The following GFRAL variants were observed in gnomAD, a reference collection of about 807,000 sequenced individuals.
GFRAL encodes the protein GDNF family receptor alpha-like.
Under a neutral mutation model 45.4 loss-of-function variants are expected in GFRAL, and 36 were observed. The ratio of observed to expected loss-of-function variants is 0.79; its 90% CI spans 0.61 to 1.05. GFRAL has a LOEUF of 1.05. Among genes scored for constraint, GFRAL ranks in the 50% least tolerant of loss-of-function variants. The pLI, the probability that GFRAL is intolerant of heterozygous loss-of-function variation, is 0.00. For synonymous variants in GFRAL, 166 were observed against 154.1 expected (o/e 1.08, Z -0.57); for missense variants, 507 against 467.5 (o/e 1.08, Z -0.78).
intron 6 of GFRAL, among the ~76,000 whole-genome samples, chr6:55,381,749 C>A (rs1338692649): frequency 6.6e-6 from 1 of 151,756 alleles, no homozygotes; most frequent in Non-Finnish European, 1.5e-5. Context: ...CACTGACTGT[C>A]TGAAGAAAGA....
chr6:55,400,922 T>G (rs6900253), intron 8 of GFRAL, among the ~76,000 whole-genome samples: 11,482 of 152,256 alleles, frequency 0.075, 521 homozygotes, highest in South Asian at 0.14. Flanking sequence ...TGGTTCTCAA[T>G]CTTTACTTCT....
chr6:55,368,983 C>T (rs1163270247), intron 6 of GFRAL, among the ~76,000 whole-genome samples: 1 of 152,054 alleles, frequency 6.6e-6, no homozygotes. Context: ...GTTGGAGCTT[C>T]CCGGCTGCTT....
At chr6:55,329,679 A>G (rs1767806420) in intron 1 of GFRAL, among the ~76,000 whole-genome samples, 1 of 152,042 alleles carries the variant, frequency 6.6e-6, no homozygotes, top group African/African-American at 2.4e-5. Context: ...ACATGAGAAA[A>G]CAGAAAGCTG....
At chr6:55,346,036 AAAC>A (rs1768036775) in intron 3 of GFRAL, among the ~76,000 whole-genome samples, 1 of 152,178 alleles carries the variant, frequency 6.6e-6, no homozygotes, top group Non-Finnish European at 1.5e-5. Flanking sequence ...AAAAATCAGG[AAAC>A]AACAGGTGCT....
chr6:55,340,427 TTAAC>T (rs1324010153), intron 3 of GFRAL, among the ~76,000 whole-genome samples: 35 of 152,312 alleles, frequency 2.3e-4, no homozygotes, highest in African/African-American at 7.9e-4. Flanking sequence ...ATATTTTTCA[TTAAC>T]TAAATATTGA....
intron 4 of GFRAL, among the ~76,000 whole-genome samples, chr6:55,350,557 G>A (rs1050242987): frequency 1.3e-5 from 2 of 151,702 alleles, no homozygotes; most frequent in Non-Finnish European, 2.9e-5. Flanking sequence ...AAAACTTAGC[G>A]GGTCATGTAG....
At chr6:55,334,257 T>A (rs558370360) in intron 3 of GFRAL, among the ~76,000 whole-genome samples, 1 of 152,322 alleles carries the variant, frequency 6.6e-6, no homozygotes, top group South Asian at 2.1e-4. Flanking sequence ...ATAGATTCAC[T>A]CATTCAATTC....
chr6:55,400,775 A>G (rs1258744035), intron 8 of GFRAL, among the ~76,000 whole-genome samples: 1 of 152,206 alleles, frequency 6.6e-6, no homozygotes, highest in Non-Finnish European at 1.5e-5. Flanking sequence ...TTTGGAATTT[A>G]TTAAAGTTTA....
At chr6:55,327,661 C>A (rs1365517688) in intron 1 of GFRAL, 85 bp downstream of exon 1, 30 of 1,267,406 alleles carry the variant, frequency 2.4e-5, no homozygotes, top group Non-Finnish European at 3.2e-5. Flanking sequence ...TTAAGCTTAA[C>A]AGGGGCTTAT....
chr6:55,399,523 T>C, intron 8 of GFRAL, 82 bp downstream of exon 8: 2 of 901,204 alleles, frequency 2.2e-6, no homozygotes, highest in Non-Finnish European at 3.7e-6. Flanking sequence ...TGGCTGAGCT[T>C]ACAAAGAGCC....
chr6:55,397,610 T>A (rs1412735289), intron 6 of GFRAL, among the ~76,000 whole-genome samples: 1 of 149,876 alleles, frequency 6.7e-6, no homozygotes, highest in Non-Finnish European at 1.5e-5. Context: ...GACAAAATCC[T>A]CACTTTTCTA....
chr6:55,398,760 AG>A (rs952965710), intron 6 of GFRAL, among the ~76,000 whole-genome samples: 8 of 152,182 alleles, frequency 5.3e-5, no homozygotes, highest in Admixed American at 3.3e-4. Context: ...AGAGAGAAAA[AG>A]AGAACAAGGG....
At chr6:55,337,152 T>C (rs2127350922) in intron 3 of GFRAL, among the ~76,000 whole-genome samples, 1 of 152,210 alleles carries the variant, frequency 6.6e-6, no homozygotes, top group East Asian at 1.9e-4. Context: ...CTTCTCTCCA[T>C]TTCTCCTCCC....
At chr6:55,343,871 C>T (rs1158919969) in intron 3 of GFRAL, among the ~76,000 whole-genome samples, 3 of 151,876 alleles carry the variant, frequency 2.0e-5, no homozygotes, top group East Asian at 3.9e-4. Context: ...AGAAATACAT[C>T]CCACAGAAAT....
At chr6:55,343,490 T>A (rs145364779) in intron 3 of GFRAL, among the ~76,000 whole-genome samples, 1,988 of 152,080 alleles carry the variant, frequency 0.013, 23 homozygotes, top group Non-Finnish European at 0.022. Context: ...GAGAACAAAG[T>A]CACAACATAC....
At chr6:55,350,186 A>G in intron 4 of GFRAL, 41 bp downstream of exon 4, 2 of 1,151,248 alleles carry the variant, frequency 1.7e-6, no homozygotes, top group Non-Finnish European at 2.6e-6. Flanking sequence ...CATTGCAAAT[A>G]CCTGATAATA....
intron 6 of GFRAL, among the ~76,000 whole-genome samples, chr6:55,366,174 T>A (rs979590413): frequency 6.6e-6 from 1 of 151,636 alleles, no homozygotes; most frequent in Non-Finnish European, 1.5e-5. Flanking sequence ...CTTGGGAGAG[T>A]GTATGTGTCG....
At chr6:55,399,098 A>G in intron 6 of GFRAL, 82 bp from the exon 7 acceptor site, 2 of 682,196 alleles carry the variant, frequency 2.9e-6, no homozygotes, top group South Asian at 5.3e-5. Flanking sequence ...TTGCTGCCTT[A>G]AAAGATAAAG....
intron 6 of GFRAL, among the ~76,000 whole-genome samples, chr6:55,381,409 G>A (rs904781869): frequency 6.6e-6 from 1 of 151,756 alleles, no homozygotes; most frequent in African/African-American, 2.4e-5. Context: ...AGTAAGATTG[G>A]TTTATTCATC....
Sources: allele counts gnomAD v4.1 joint callset (sites outside exome capture counted in the v4.1 genomes callset), GRCh38; gene constraint gnomAD v4.1.1; transcripts MANE v1.5; gene names NCBI Gene and HGNC (gene_info 2026-07-23, HGNC 2026-07-21).